The following ADGB variants were observed in gnomAD, a reference collection of about 807,000 sequenced individuals.
ADGB encodes the protein androglobin, also known as calpain-7-like protein.
Under a neutral mutation model 210.5 loss-of-function variants are expected in ADGB, and 172 were observed. The observed-to-expected ratio is 0.82, with a 90% confidence interval of 0.72 to 0.93. The LOEUF (loss-of-function observed/expected upper bound fraction) is 0.93. ADGB is among the 40% of genes least tolerant of loss of function. ADGB has a pLI of 0.00. For missense variants in ADGB, 2,025 were observed against 1,964.8 expected (o/e 1.03, Z -0.58); for synonymous variants, 658 against 662.7 (o/e 0.99, Z 0.11).
chr6:146,665,617 T>C (rs975653238), intron 6 of ADGB, among the ~76,000 whole-genome samples: 1 of 152,098 alleles, frequency 6.6e-6, no homozygotes, highest in African/African-American at 2.4e-5. Flanking sequence ...TTATCTTTCT[T>C]AAAGCTGTAG....
chr6:146,674,053 C>A (rs372274827), intron 8 of ADGB, among the ~76,000 whole-genome samples: 2 of 151,964 alleles, frequency 1.3e-5, no homozygotes, highest in South Asian at 4.2e-4. Context: ...GTCATCGGGG[C>A]CAAAGGAAAA....
At position 146,801,187 on chromosome 6, in the gene ADGB, A is replaced by C; in HGVS notation, c.4542A>C (p.Thr1514=). The change falls in exon 34 of 36, where the codon ACA becomes ACC. Residue 1514 remains threonine (T), a synonymous_variant. Transcript: ENST00000397944. ...EQSTRKENIQ[T]GPRTRSPTIL... ...GTGTGTGTGTTTTTTTTAAAGAAAC[A>C]GGACCTCGTACACGATCTCCAACAA... 1.4e-6 allele frequency: 2 copies of C among 1,475,774 alleles called. No individual in the cohort carries two copies. The highest frequency in any genetic ancestry group is 9.0e-7 in the Non-Finnish European group (1 of 1,111,348). 91.4% of individuals were successfully genotyped at this position (1,475,774 alleles called of 1,614,324 possible).
chr6:146,626,382 A>G (rs774079063), intron 1 of ADGB, among the ~76,000 whole-genome samples: 24 of 151,838 alleles, frequency 1.6e-4, no homozygotes, highest in Non-Finnish European at 3.1e-4. Context: ...TGGCAGATCC[A>G]TATTTCCATC....
chr6:146,645,002 C>A (rs1018361765), intron 3 of ADGB, 137 bp downstream of exon 3: 2 of 466,588 alleles, frequency 4.3e-6, no homozygotes, highest in Non-Finnish European at 7.6e-6. Context: ...TGCTTTTTGG[C>A]AACTAATCAA....
intron 13 of ADGB, among the ~76,000 whole-genome samples, chr6:146,713,385 C>G (rs139352412): frequency 6.6e-5 from 10 of 151,896 alleles, no homozygotes; most frequent in Non-Finnish European, 1.3e-4. Flanking sequence ...TTCTCTACAT[C>G]CTTACCAACA....
chr6:146,649,942 A>G (rs894463919), intron 3 of ADGB, among the ~76,000 whole-genome samples: 6 of 152,190 alleles, frequency 3.9e-5, no homozygotes, highest in Non-Finnish European at 7.3e-5. Flanking sequence ...ACACATACAT[A>G]TACCTAAACA....
intron 4 of ADGB, among the ~76,000 whole-genome samples, chr6:146,654,754 A>G (rs1227865094): frequency 6.6e-6 from 1 of 152,032 alleles, no homozygotes; most frequent in East Asian, 1.9e-4. Flanking sequence ...CTCAGTTATT[A>G]TTGTGTCTGC....
chr6:146,734,101 A>G, intron 22 of ADGB, 71 bp downstream of exon 22: 1 of 1,413,282 alleles, frequency 7.1e-7, no homozygotes. Flanking sequence ...TGTTAATGAA[A>G]GTATTTTGGA....
intron 1 of ADGB, among the ~76,000 whole-genome samples, chr6:146,619,413 T>C (rs1780857703): frequency 1.3e-5 from 2 of 152,044 alleles, no homozygotes; most frequent in Admixed American, 6.6e-5. Context: ...ATTTTGATAC[T>C]TGTTTTTGGG....
Position 146,664,207 on chromosome 6 carries a change from T to C in ADGB, c.619T>C (p.Trp207Arg). 1 of 1,545,242 alleles carries C rather than the reference T, an allele frequency of 6.5e-7. No homozygotes were observed. The highest frequency in any genetic ancestry group is 8.7e-7 in the Non-Finnish European group (1 of 1,144,124). The change falls in exon 6 of 36, where the codon TGG becomes CGG. Residue 207 changes from tryptophan to arginine, a missense_variant. Transcript: ENST00000397944. ...TCTTTCATCTTATTTTTAGGGTTGC[T>C]GGAGAAAGATAACAATTGATGACTT... Reference protein sequence around the residue: ...YVVKLYWMGCWRKITIDDFLP... With the variant: ...YVVKLYWMGCRRKITIDDFLP...
At chr6:146,725,853 T>G in intron 18 of ADGB, 1 of 381,988 alleles carries the variant, frequency 2.6e-6, no homozygotes, top group East Asian at 4.0e-5. Flanking sequence ...AAGTTTGGTA[T>G]TTAGCCTAAC....
At chr6:146,681,274 C>T (rs7742706) in intron 9 of ADGB, among the ~76,000 whole-genome samples, 6,404 of 152,004 alleles carry the variant, frequency 0.042, 394 homozygotes, top group African/African-American at 0.14. Flanking sequence ...AACATCTCTC[C>T]CTACTCTCTT....
At chr6:146,667,419 G>A (rs1201915489) in intron 7 of ADGB, among the ~76,000 whole-genome samples, 1 of 151,968 alleles carries the variant, frequency 6.6e-6, no homozygotes, top group Non-Finnish European at 1.5e-5. Context: ...CTGGCACAAG[G>A]GAGTGAGGGG....
chr6:146,769,084 T>G lies in ADGB; in HGVS notation c.3815T>G (p.Leu1272Arg). 6.5e-7 allele frequency: 1 copy of G among 1,530,390 alleles called. No individual in the cohort carries two copies. The highest frequency in any genetic ancestry group is 8.8e-7 in the Non-Finnish European group (1 of 1,132,214). The allele number at this position is 1,530,390 out of a possible 1,614,324, so 94.8% of individuals were successfully genotyped here. Residue 1272 changes from leucine to arginine, a missense_variant, in exon 29 of 36, where the codon CTG becomes CGG. Transcript: ENST00000397944. ...YNSWPLTESQ[L>R]TFVQALKDLK... ...AGTTGGCCTCTCACTGAAAGCCAGC[T>G]GACATTTGTTCAAGCACTGAAAGAC...
At chr6:146,813,492 G>A (rs1778333465) in intron 35 of ADGB, among the ~76,000 whole-genome samples, 1 of 152,042 alleles carries the variant, frequency 6.6e-6, no homozygotes, top group South Asian at 2.1e-4. Context: ...ATTTATTGGT[G>A]TATGAAAATG....
At chr6:146,716,073 A>T (rs1040426521) in intron 14 of ADGB, among the ~76,000 whole-genome samples, 3 of 147,406 alleles carry the variant, frequency 2.0e-5, no homozygotes, top group Admixed American at 1.3e-4. Context: ...AAAAAAAAAA[A>T]TGGTATGCCA....
At chr6:146,669,675 A>G (rs1334478298) in intron 7 of ADGB, among the ~76,000 whole-genome samples, 1 of 152,046 alleles carries the variant, frequency 6.6e-6, no homozygotes, top group African/African-American at 2.4e-5. Context: ...TAGTTCCTCA[A>G]CCACAGTACA....
chr6:146,722,188 C>T (rs1186529493), intron 17 of ADGB, among the ~76,000 whole-genome samples: 1 of 152,120 alleles, frequency 6.6e-6, no homozygotes, highest in Non-Finnish European at 1.5e-5. Flanking sequence ...CCCCTACTTT[C>T]ATGGTTACCT....
chr6:146,662,926 A>G (rs1250648585), intron 5 of ADGB, among the ~76,000 whole-genome samples: 1 of 146,884 alleles, frequency 6.8e-6, no homozygotes, highest in Non-Finnish European at 1.5e-5. Flanking sequence ...TATATAATAT[A>G]TATATAACTT....
Sources: allele counts gnomAD v4.1 joint callset (sites outside exome capture counted in the v4.1 genomes callset), GRCh38; gene constraint gnomAD v4.1.1; transcripts MANE v1.5; gene names NCBI Gene and HGNC (gene_info 2026-07-23, HGNC 2026-07-21).